Variants in NARS2 observed in about 807,000 individuals in gnomAD.
NARS2 encodes the protein asparaginyl-tRNA synthetase 2, mitochondrial, also known as asparaginyl-tRNA synthetase.
Under a neutral mutation model 62.9 loss-of-function variants are expected in NARS2, and 60 were observed. The observed-to-expected ratio is 0.95, with a 90% confidence interval of 0.77 to 1.18. The LOEUF (loss-of-function observed/expected upper bound fraction) is 1.18, where lower values mean the gene tolerates loss of function less well. Among genes scored for constraint, NARS2 ranks in the 50% most tolerant of loss-of-function variants. The pLI, the probability that NARS2 is intolerant of heterozygous loss-of-function variation, is 0.00. For synonymous variants in NARS2, 196 were observed against 200.0 expected (o/e 0.98, Z 0.17); for missense variants, 619 against 576.4 (o/e 1.07, Z -0.76).
intron 6 of NARS2, among the ~76,000 whole-genome samples, chr11:78,516,269 T>G (rs1390102547): frequency 6.6e-6 from 1 of 152,168 alleles, no homozygotes; most frequent in African/African-American, 2.4e-5. Context: ...CACCATAAAA[T>G]GCTCTACAAT....
rs1861281223 is a variant in NARS2 at position 78,525,977 on chromosome 11, A to G, written c.689+2865T>C. On this transcript the variant is annotated intron_variant, in intron 6 of 13. Transcript: ENST00000281038. ...ATTCCACAGGTCGTAAAAAAGAAAA[A>G]TTGAGAAACTGTAATAGAATGGAAG... 2.0e-5 allele frequency among the ~76,000 whole-genome samples: 3 copies of G among 152,162 alleles called. No individual in the cohort carries two copies. The South Asian group carries it at 6.2e-4, about 31-fold the overall frequency.
At chr11:78,470,961 A>T (rs1565219810) in intron 9 of NARS2, among the ~76,000 whole-genome samples, 1 of 150,874 alleles carries the variant, frequency 6.6e-6, no homozygotes. Flanking sequence ...TTTATCCAGC[A>T]CAAACTTGTT....
At chr11:78,539,119 C>A (rs1855511107) in intron 5 of NARS2, among the ~76,000 whole-genome samples, 1 of 150,174 alleles carries the variant, frequency 6.7e-6, no homozygotes, top group Non-Finnish European at 1.5e-5. Context: ...CACAGAGCAG[C>A]CACTGAAATG....
At chr11:78,447,798 G>C (rs561648791) in intron 11 of NARS2, among the ~76,000 whole-genome samples, 17 of 152,084 alleles carry the variant, frequency 1.1e-4, no homozygotes, top group Admixed American at 8.5e-4. Flanking sequence ...CTAATAAGCT[G>C]AATGAATAGA....
chr11:78,465,037 G>A (rs1245245139), intron 11 of NARS2, among the ~76,000 whole-genome samples: 4 of 152,222 alleles, frequency 2.6e-5, no homozygotes, highest in African/African-American at 9.6e-5. Context: ...GCTCGTCAGG[G>A]AGGCTTCAGC....
chr11:78,501,078 T>TGA (rs1860265676), intron 6 of NARS2, among the ~76,000 whole-genome samples: 1 of 152,052 alleles, frequency 6.6e-6, no homozygotes, highest in African/African-American at 2.4e-5. Flanking sequence ...GGTGACAGAG[T>TGA]GAGACCCTGT....
intron 5 of NARS2, among the ~76,000 whole-genome samples, chr11:78,555,815 T>C (rs1046489443): frequency 1.3e-5 from 2 of 152,166 alleles, no homozygotes; most frequent in Admixed American, 6.5e-5. Context: ...ATGTGGGCGT[T>C]TAGTGCTATG....
In NARS2 at chr11:78,574,513, G is replaced by A. The variant is rs1057522047; in HGVS notation, c.-25C>T. 3.8e-6 allele frequency: 6 copies of A among 1,590,470 alleles called. No individual in the cohort carries two copies. The highest frequency in any genetic ancestry group is 3.3e-5 in the South Asian group (3 of 89,616). On this transcript the variant is annotated 5_prime_UTR_variant, in exon 1 of 14. Transcript: ENST00000281038. ...TCCCGCGTCCGCCCAGGCCCTCCGC[G>A]GGAGCAGCCCAGACCCCACGGTTCG...
intron 6 of NARS2, among the ~76,000 whole-genome samples, chr11:78,518,881 T>C (rs1425158468): frequency 6.6e-6 from 1 of 152,158 alleles, no homozygotes; most frequent in Non-Finnish European, 1.5e-5. Context: ...ATAAAAATAA[T>C]TTCTATGAGA....
At position 78,436,444 on chromosome 11, in the gene NARS2, C is replaced by A; in HGVS notation, c.*226G>T. Reference sequence around the variant, plus strand: ...TAATTGAGGTAATGGATTTGAGAGTCCCCTTGCTATAAGTACCTCTTCTTG... The same window carrying A: ...TAATTGAGGTAATGGATTTGAGAGTACCCTTGCTATAAGTACCTCTTCTTG... On this transcript the variant is annotated 3_prime_UTR_variant, in exon 14 of 14. Coordinates refer to ENST00000281038, the MANE Select transcript of NARS2 (RefSeq NM_024678.6). 2.1e-6 allele frequency: 1 copy of A among 472,166 alleles called. No homozygotes were observed. Among genetic ancestry groups the A allele is most frequent in the Non-Finnish European group, 3.8e-6 (1 of 264,448 alleles). 29.2% of individuals were successfully genotyped at this position (472,166 alleles called of 1,614,324 possible). A position where few individuals can be genotyped will look rare whatever the true frequency, so the allele number is the denominator to read the frequency against.
intron 13 of NARS2, among the ~76,000 whole-genome samples, chr11:78,438,687 G>A (rs570282994): frequency 2.0e-5 from 3 of 152,256 alleles, no homozygotes; most frequent in South Asian, 2.1e-4. Flanking sequence ...TGGTTCCAGG[G>A]TAGCGAGATT....
In NARS2 at chr11:78,565,689, T is replaced by C. The variant is rs560592097; in HGVS notation, c.513+443A>G. ...CTATCCAATGCTAGGGAAAGAACCA[T>C]CTAAAAAGATTAGAGAAAACAGTGC... On this transcript the variant is annotated intron_variant, in intron 4 of 13. Transcript: ENST00000281038. Among the ~76,000 whole-genome samples the C allele has an allele frequency of 2.0e-5, 3 of 152,214 alleles. 1 individual carries two copies. Among genetic ancestry groups the C allele is most frequent in the African/African-American group, 7.2e-5 (3 of 41,538 alleles).
chr11:78,492,894 C>G (rs1859886310), intron 7 of NARS2, among the ~76,000 whole-genome samples, 169 bp downstream of exon 7: 1 of 152,138 alleles, frequency 6.6e-6, no homozygotes, highest in South Asian at 2.1e-4. Flanking sequence ...CTGTCTGACT[C>G]TTGTATTTTA....
At chr11:78,490,212 C>A (rs758025926) in intron 7 of NARS2, among the ~76,000 whole-genome samples, 1 of 152,288 alleles carries the variant, frequency 6.6e-6, no homozygotes, top group East Asian at 1.9e-4. Context: ...CAGGGAGTAA[C>A]GTCACTGAAG....
At chr11:78,474,446 TA>T (rs1212329561) in intron 9 of NARS2, among the ~76,000 whole-genome samples, 8 of 152,314 alleles carry the variant, frequency 5.3e-5, no homozygotes, top group Admixed American at 5.2e-4. Flanking sequence ...AAATATTTGT[TA>T]AAAAATAATA....
chr11:78,551,340 C>G (rs1324240763), intron 5 of NARS2, among the ~76,000 whole-genome samples: 3 of 152,152 alleles, frequency 2.0e-5, no homozygotes, highest in Non-Finnish European at 4.4e-5. Context: ...ACTGATACTA[C>G]TGAATACTTT....
At chr11:78,465,807 A>T in intron 11 of NARS2, 69 bp downstream of exon 11, 1 of 1,495,274 alleles carries the variant, frequency 6.7e-7, no homozygotes, top group Non-Finnish European at 9.3e-7. Context: ...TTAAGAAAAG[A>T]TCACAAAGGC....
At chr11:78,543,789 T>C (rs1855727046) in intron 5 of NARS2, among the ~76,000 whole-genome samples, 1 of 151,998 alleles carries the variant, frequency 6.6e-6, no homozygotes, top group Non-Finnish European at 1.5e-5. Context: ...TCCTAGCACT[T>C]TGGGAGGCCA....
intron 6 of NARS2, among the ~76,000 whole-genome samples, chr11:78,493,862 G>GA (rs2135328550): frequency 6.6e-6 from 1 of 151,906 alleles, no homozygotes; most frequent in East Asian, 1.9e-4. Context: ...ACAAAGTAAA[G>GA]AAAAAAACAC....
Sources: gnomAD v4.1 joint callset for allele counts (sites outside exome capture counted in the v4.1 genomes callset) on GRCh38, gnomAD v4.1.1 for gene constraint, MANE v1.5 for transcripts, NCBI Gene and HGNC (gene_info 2026-07-23, HGNC 2026-07-21) for gene names.